The following TBC1D22A variants were observed in gnomAD, a reference collection of about 807,000 sequenced individuals.
TBC1D22A encodes the protein putative GTPase activator.
A neutral mutation model predicts 60.2 loss-of-function variants in TBC1D22A; 38 were observed. The observed-to-expected ratio is 0.63, with a 90% CI of 0.49 to 0.83. The LOEUF (loss-of-function observed/expected upper bound fraction) is 0.83. TBC1D22A is among the 40% of genes least tolerant of loss of function. The pLI is 0.00. For missense variants in TBC1D22A, 628 were observed against 701.0 expected (o/e 0.90, Z 1.18); for synonymous variants, 302 against 281.7 (o/e 1.07, Z -0.72).
At chr22:47,132,838 G>A (rs551662224) in intron 12 of TBC1D22A, among the ~76,000 whole-genome samples, 1 of 152,174 alleles carries the variant, frequency 6.6e-6, no homozygotes, top group Non-Finnish European at 1.5e-5. Flanking sequence ...CCGCGGAAAC[G>A]CCATGTGATC....
intron 4 of TBC1D22A, among the ~76,000 whole-genome samples, chr22:46,827,023 A>G (rs556476658): frequency 5.4e-4 from 81 of 151,240 alleles, no homozygotes; most frequent in Non-Finnish European, 1.0e-3. Context: ...ATCAACAGAG[A>G]CTCTTTCCTC....
intron 4 of TBC1D22A, among the ~76,000 whole-genome samples, chr22:46,845,507 A>G (rs2086951058): frequency 6.6e-6 from 1 of 152,246 alleles, no homozygotes; most frequent in South Asian, 2.1e-4. Context: ...TTTTCATTAA[A>G]TGCTGATGGG....
intron 5 of TBC1D22A, among the ~76,000 whole-genome samples, chr22:46,887,582 A>C (rs2068183706): frequency 3.3e-5 from 5 of 152,224 alleles, no homozygotes; most frequent in Admixed American, 3.3e-4. Flanking sequence ...ACAGTGGAGG[A>C]AGGAACTACT....
chr22:46,984,366 CAAAAAAAAAAAAAAAAAAAAAAAAA>C (rs136119), intron 9 of TBC1D22A, among the ~76,000 whole-genome samples: 48 of 27,766 alleles, frequency 1.7e-3, no homozygotes, highest in South Asian at 4.7e-3. Context: ...GACTCCATCT[CAAAAAAAAAAAAAAAAAAAAAAAAA>C]AAAAAAAAAA....
At chr22:46,774,785 G>T (rs1358798923) in intron 1 of TBC1D22A, among the ~76,000 whole-genome samples, 1 of 152,172 alleles carries the variant, frequency 6.6e-6, no homozygotes, top group African/African-American at 2.4e-5. Flanking sequence ...TGTTCCCACG[G>T]GTCCCTCCTG....
intron 6 of TBC1D22A, among the ~76,000 whole-genome samples, chr22:46,892,132 A>G (rs2068438309): frequency 1.3e-5 from 2 of 152,072 alleles, no homozygotes; most frequent in Admixed American, 1.3e-4. Flanking sequence ...GTGGTTCTTA[A>G]TTGGTATTAT....
At chr22:47,055,718 T>A (rs2063370051) in intron 11 of TBC1D22A, among the ~76,000 whole-genome samples, 1 of 151,848 alleles carries the variant, frequency 6.6e-6, no homozygotes, top group Admixed American at 6.6e-5. Flanking sequence ...GGGGAGGAGC[T>A]GTTCTGGCCC....
intron 8 of TBC1D22A, among the ~76,000 whole-genome samples, chr22:46,926,241 C>T (rs1006100221): frequency 4.0e-5 from 6 of 151,782 alleles, no homozygotes; most frequent in African/African-American, 4.8e-5. Flanking sequence ...TTCCACTTTC[C>T]GAAACTTAGA....
rs751211147 is a variant in TBC1D22A at position 47,037,175 on chromosome 22, A to T, written c.1306A>T (p.Ile436Phe). The T allele has an allele frequency of 3.1e-6, 5 of 1,613,648 alleles. No individual in the cohort carries two copies. Among genetic ancestry groups the T allele is most frequent in the Non-Finnish European group, 4.2e-6 (5 of 1,179,868 alleles). ...LMREVPLRCT[I>F]RLWDTYQSEP... ...GAGGGAGGTGCCCCTGCGTTGTACCATCCGCCTGTGGGACACCTACCAGGT... is the reference window on the plus strand; with the variant it reads ...GAGGGAGGTGCCCCTGCGTTGTACCTTCCGCCTGTGGGACACCTACCAGGT... The change falls in exon 11 of 13, where the codon ATC becomes TTC. Residue 436 changes from isoleucine to phenylalanine, a missense_variant. Physicochemically the swap from Ile to Phe is conservative, Grantham distance 21 (BLOSUM62 0). Transcript: ENST00000337137.
Position 47,064,672 on chromosome 22 carries a change from G to A in TBC1D22A, c.1329+27474G>A, listed in dbSNP as rs969811969. ...TGGTGACTGTCGCCATCACCGTAAC[G>A]CAGGACCAGATGATTTGGAAGGAAT... On this transcript the variant is annotated intron_variant, in intron 11 of 12. Coordinates refer to ENST00000337137, the MANE Select transcript of TBC1D22A (RefSeq NM_014346.5). Among the ~76,000 whole-genome samples, 3 of 152,302 alleles carry A rather than the reference G, an allele frequency of 2.0e-5. 1 individual carries two copies.
chr22:46,805,311 AG>A (rs2085080376), intron 4 of TBC1D22A, among the ~76,000 whole-genome samples: 1 of 152,254 alleles, frequency 6.6e-6, no homozygotes, highest in Admixed American at 6.5e-5. Flanking sequence ...CAGTTGACAC[AG>A]GGTGCCTTGT....
At chr22:46,966,919 G>A (rs1462435982) in intron 8 of TBC1D22A, among the ~76,000 whole-genome samples, 1 of 152,204 alleles carries the variant, frequency 6.6e-6, no homozygotes, top group African/African-American at 2.4e-5. Context: ...TGAGAAGAGT[G>A]TGTCGGTTCT....
At chr22:46,797,399 G>A (rs1431240659) in intron 3 of TBC1D22A, 45 bp from the exon 4 acceptor site, 5 of 1,604,298 alleles carry the variant, frequency 3.1e-6, no homozygotes, top group South Asian at 2.2e-5. Flanking sequence ...ACGTGTAGTC[G>A]GGAGGAGCGC....
At chr22:46,856,067 T>C (rs1324331961) in intron 4 of TBC1D22A, among the ~76,000 whole-genome samples, 2 of 152,152 alleles carry the variant, frequency 1.3e-5, no homozygotes, top group Admixed American at 1.3e-4. Context: ...GGCTGCCCCT[T>C]TCCTCTGCAT....
chr22:46,930,622 A>ATTT (rs367772036), intron 8 of TBC1D22A, among the ~76,000 whole-genome samples: 10,137 of 143,444 alleles, frequency 0.071, 472 homozygotes, highest in Non-Finnish European at 0.1. Flanking sequence ...CGCCTGGCTA[A>ATTT]TTTTTTTTTT....
intron 7 of TBC1D22A, among the ~76,000 whole-genome samples, chr22:46,898,195 C>G (rs2068786143): frequency 6.6e-6 from 1 of 152,208 alleles, no homozygotes; most frequent in Non-Finnish European, 1.5e-5. Context: ...TCTCAGGCCT[C>G]TTGGTCTCAG....
intron 4 of TBC1D22A, among the ~76,000 whole-genome samples, chr22:46,840,148 G>A (rs2147209847): frequency 6.6e-6 from 1 of 152,274 alleles, no homozygotes; most frequent in South Asian, 2.1e-4. Flanking sequence ...AATCATCAGA[G>A]TGAAGAGACA....
chr22:47,060,272 T>C (rs1481504997), intron 11 of TBC1D22A, among the ~76,000 whole-genome samples: 5 of 145,890 alleles, frequency 3.4e-5, no homozygotes, highest in East Asian at 4.1e-4. Context: ...GATGGAGTCT[T>C]GCTCTGTTGC....
At chr22:46,831,331 T>C (rs978459818) in intron 4 of TBC1D22A, among the ~76,000 whole-genome samples, 4 of 152,096 alleles carry the variant, frequency 2.6e-5, no homozygotes, top group East Asian at 3.9e-4. Flanking sequence ...TACCACTGTT[T>C]CGTTTAACGG....
Sources: allele counts gnomAD v4.1 joint callset (sites outside exome capture counted in the v4.1 genomes callset), GRCh38; gene constraint gnomAD v4.1.1; transcripts MANE v1.5; gene names NCBI Gene and HGNC (gene_info 2026-07-23, HGNC 2026-07-21).